Variants in TNS2 observed in about 807,000 individuals in gnomAD.
TNS2 encodes the protein tensin-2.
In TNS2, 77 loss-of-function variants were observed where a neutral mutation model predicts 155.7. The observed-to-expected ratio is 0.49, with a 90% CI of 0.41 to 0.60. TNS2 has a LOEUF of 0.60. TNS2 is among the 20% of genes least tolerant of loss of function. The pLI, the probability that TNS2 is intolerant of heterozygous loss-of-function variation, is 0.00. For missense variants in TNS2, 1,703 were observed against 1,868.8 expected (o/e 0.91, Z 1.64); for synonymous variants, 726 against 763.9 (o/e 0.95, Z 0.82).
Position 53,050,067 on chromosome 12 carries a change from A to C in TNS2, c.-119A>C, listed in dbSNP as rs986866219. 15 of 1,517,664 alleles carry C rather than the reference A, an allele frequency of 9.9e-6. No homozygotes were observed. Among genetic ancestry groups the C allele is most frequent in the Non-Finnish European group, 1.2e-5 (14 of 1,136,302 alleles). The allele number at this position is 1,517,664 out of a possible 1,614,324, so 94.0% of individuals were successfully genotyped here. ...CCGGGCTTCTCCTCACACCAGCCAG[A>C]CAGCCTACCCTCCGCCCAGGGGAAG... On this transcript the variant is annotated 5_prime_UTR_variant, in exon 1 of 29. Transcript: ENST00000314250. This position sits in a 1 kb window ranked among gnomAD's most constrained non-coding sequence, Gnocchi z 4.7.
intron 3 of TNS2, 137 bp from the exon 4 acceptor site, chr12:53,053,274 G>T: frequency 1.0e-6 from 1 of 990,454 alleles, no homozygotes. Flanking sequence ...CCCTTAAATA[G>T]CGCAACCTCA....
chr12:53,049,280 G>T (rs758903859), upstream of TNS2: 1 of 1,580,268 alleles, frequency 6.3e-7, no homozygotes, highest in South Asian at 1.1e-5. Context: ...TGCCGCGGGG[G>T]GAGGGTGCAG....
Position 53,050,387 on chromosome 12 carries a change from A to G in TNS2, c.75+127A>G, listed in dbSNP as rs1292958197. On this transcript the variant is annotated intron_variant, in intron 1 of 28. Transcript: ENST00000314250. This position sits in a 1 kb window ranked among gnomAD's most constrained non-coding sequence, Gnocchi z 4.7. ...CTTCCTCAGCCTTCTTCCCTGGCCC[A>G]GCATCCCCTCCGGAGTGGCCAGGGC... 3 of 1,147,464 alleles carry G rather than the reference A, an allele frequency of 2.6e-6. No individual in the cohort carries two copies. Among genetic ancestry groups the G allele is most frequent in the Non-Finnish European group, 3.6e-6 (3 of 822,326 alleles). 71.1% of individuals were successfully genotyped at this position (1,147,464 alleles called of 1,614,324 possible).
In TNS2 at chr12:53,062,473, T is replaced by G; in HGVS notation, c.3745+20T>G. On this transcript the variant is annotated intron_variant, in intron 24 of 28. Transcript: ENST00000314250. ...GCAAAGGTGAGTGTCTGGTCATCTGTCCTCCCCACCTCTCCCTACCCCCTG... is the reference window on the plus strand; with the variant it reads ...GCAAAGGTGAGTGTCTGGTCATCTGGCCTCCCCACCTCTCCCTACCCCCTG... 1 of 1,612,928 alleles carries G rather than the reference T, an allele frequency of 6.2e-7. No individual in the cohort carries two copies.
intron 4 of TNS2, 136 bp from the exon 5 acceptor site, chr12:53,053,638 G>A: frequency 7.1e-7 from 1 of 1,404,526 alleles, no homozygotes; most frequent in Non-Finnish European, 9.7e-7. Context: ...CCTGCTGGGG[G>A]TAGGACTCCT....
chr12:53,060,668 C>A lies in TNS2; in HGVS notation c.2769-7C>A. On this transcript the variant is annotated splice_region_variant and splice_polypyrimidine_tract_variant and intron_variant, in intron 19 of 28. Coordinates refer to ENST00000314250, the MANE Select transcript of TNS2 (RefSeq NM_170754.4). This position sits in a 1 kb window ranked among gnomAD's most constrained non-coding sequence, Gnocchi z 6.1. ...CTCTGCTGACCATCTGCCCTTCCACCCTACAGCACCCGGCGACAGGACACC... is the reference window on the plus strand; with the variant it reads ...CTCTGCTGACCATCTGCCCTTCCACACTACAGCACCCGGCGACAGGACACC... The A allele has an allele frequency of 6.3e-7, 1 of 1,578,370 alleles. No homozygotes were observed.
chr12:53,060,971 G>C lies in TNS2; in HGVS notation c.3065G>C (p.Gly1022Ala). The C allele has an allele frequency of 6.2e-7, 1 of 1,608,298 alleles. No homozygotes were observed. Among genetic ancestry groups the C allele is most frequent in the Non-Finnish European group, 8.5e-7 (1 of 1,177,524 alleles). ...CACGCCCCCTGGCAAGGCCCTCGAGGCCCCCCCGACAGCCCAGATGGGTCT... is the reference window on the plus strand; with the variant it reads ...CACGCCCCCTGGCAAGGCCCTCGAGCCCCCCCCGACAGCCCAGATGGGTCT... ...LRHAPWQGPRGPPDSPDGSPL... is the reference protein window; with the variant it reads ...LRHAPWQGPRAPPDSPDGSPL... The change falls in exon 20 of 29, where the codon GGC (glycine) becomes GCC (alanine). Residue 1022 changes from glycine to alanine, a missense_variant. Transcript: ENST00000314250. This position sits in a 1 kb window ranked among gnomAD's most constrained non-coding sequence, Gnocchi z 6.1.
In TNS2 at chr12:53,058,837, C is replaced by T. The variant is rs1258204934; in HGVS notation, c.1405+10C>T. 1 of 1,612,268 alleles carries T rather than the reference C, an allele frequency of 6.2e-7. No individual in the cohort carries two copies. The highest frequency in any genetic ancestry group is 2.2e-5 in the East Asian group (1 of 44,852). ...GAGGACAGTGTGGATGGTGCGCAGG[C>T]AGCCTGCAGGGTGGGAGGTACAGGG... On this transcript the variant is annotated intron_variant, in intron 17 of 28. Coordinates refer to ENST00000314250, the MANE Select transcript of TNS2 (RefSeq NM_170754.4).
upstream of TNS2, chr12:53,049,381 T>TG (rs1331410609): frequency 1.6e-5 from 11 of 708,048 alleles, no homozygotes; most frequent in South Asian, 1.1e-4. Flanking sequence ...AATGGGTGAG[T>TG]GGGGGGCACT....
chr12:53,060,617 T>G lies in TNS2; in HGVS notation c.2769-58T>G. On this transcript the variant is annotated intron_variant, in intron 19 of 28. Coordinates refer to ENST00000314250, the MANE Select transcript of TNS2 (RefSeq NM_170754.4). The surrounding 1 kb of genome is among the most constrained non-coding windows in gnomAD (Gnocchi z 6.1). ...TGTCCAAGCAGTTGATGAAGGCAGG[T>G]GGGGTGGGAGCAGCCACAATGGGGG... The G allele has an allele frequency of 6.3e-7, 1 of 1,593,818 alleles. No homozygotes were observed.
intron 5 of TNS2, 23 bp from the exon 6 acceptor site, chr12:53,053,942 A>C: frequency 6.2e-7 from 1 of 1,614,176 alleles, no homozygotes; most frequent in East Asian, 2.2e-5. Context: ...AGAGATGTCT[A>C]GACACTGTCT....
At position 53,059,304 on chromosome 12, in the gene TNS2, C is replaced by T. The variant is rs765692676; in HGVS notation, c.1663C>T (p.Arg555Trp). The T allele has an allele frequency of 4.8e-5, 70 of 1,462,662 alleles. 1 individual carries two copies. In the South Asian group the frequency reaches 8.9e-4, roughly 19 times the overall value. 90.6% of individuals were successfully genotyped at this position (1,462,662 alleles called of 1,614,324 possible). Residue 555 changes from arginine to tryptophan, a missense_variant, in exon 18 of 29, where the codon CGG (arginine) becomes TGG (tryptophan). Coordinates refer to ENST00000314250, the MANE Select transcript of TNS2 (RefSeq NM_170754.4). This position sits in a 1 kb window ranked among gnomAD's most constrained non-coding sequence, Gnocchi z 4.7. ...LGGCGVASGG[R>W]GAGRETAILD... ...AGGCTGCGGAGTGGCCAGTGGGGGC[C>T]GGGGAGCTGGGCGCGAGACGGCCAT...
At chr12:53,052,017 G>A (rs1943953482) in intron 2 of TNS2, 54 bp downstream of exon 2, 3 of 1,428,808 alleles carry the variant, frequency 2.1e-6, no homozygotes, top group African/African-American at 1.4e-5. Context: ...CCACTGTGTT[G>A]CACAACTCCA....
At chr12:53,054,615 C>T (rs1314732116) in intron 7 of TNS2, among the ~76,000 whole-genome samples, 174 bp downstream of exon 7, 2 of 152,216 alleles carry the variant, frequency 1.3e-5, no homozygotes, top group Non-Finnish European at 2.9e-5. Flanking sequence ...AATCCTGGAA[C>T]GCTGGCGACT....
At chr12:53,054,748 C>T (rs1944079601) in intron 7 of TNS2, among the ~76,000 whole-genome samples, 1 of 152,002 alleles carries the variant, frequency 6.6e-6, no homozygotes, top group African/African-American at 2.4e-5. Flanking sequence ...GATCTCACCT[C>T]ACTGCAACCT....
chr12:53,049,054 C>T (rs1290829059), upstream of TNS2: 23 of 927,568 alleles, frequency 2.5e-5, 1 homozygote, highest in South Asian at 4.1e-4. Context: ...AGGAAGATTA[C>T]TCCCCCTTTT....
Position 53,062,047 on chromosome 12 carries a change from G to A in TNS2, c.3575-106G>A, listed in dbSNP as rs181108549. 1.2e-4 allele frequency: 198 copies of A among 1,611,462 alleles called. 1 individual carries two copies. In the East Asian group the frequency reaches 3.6e-3, roughly 30 times the overall value. ...GCTGTGCTGGCCATGCCGCTGTAGA[G>A]GGGAGAGGTAGGAAAAGACCTCAGC... On this transcript the variant is annotated intron_variant, in intron 22 of 28. Transcript: ENST00000314250.
rs957742600 is a variant in TNS2, at chr12:53,051,916, G to A, written c.137G>A (p.Cys46Tyr). 2 of 1,613,680 alleles carry A rather than the reference G, an allele frequency of 1.2e-6. No individual in the cohort carries two copies. Among genetic ancestry groups the A allele is most frequent in the East Asian group, 2.2e-5 (1 of 44,878 alleles). The change falls in exon 2 of 29, where the codon TGT becomes TAT. Residue 46 changes from cysteine to tyrosine, a missense_variant. By Grantham distance (194) the Cys-to-Tyr change is radical. Transcript: ENST00000314250. ...GTTTTCCGGAAGAAACCTCCAGTCT[G>A]TGCAGTATGTAAGGTGACCATCGAT... is the stretch of plus-strand genomic sequence containing the variant. ...EKVFRKKPPV[C>Y]AVCKVTIDGT...
At position 53,055,762 on chromosome 12, in the gene TNS2, C is replaced by T. The variant is rs374979262; in HGVS notation, c.697-19C>T. The T allele has an allele frequency of 5.0e-6, 8 of 1,614,226 alleles. No individual in the cohort carries two copies. Among genetic ancestry groups the T allele is most frequent in the Admixed American group, 1.7e-5 (1 of 60,030 alleles). On this transcript the variant is annotated intron_variant, in intron 9 of 28. Transcript: ENST00000314250. Reference sequence around the variant, plus strand: ...GCCTGGAGCTCCCAGACCCTCATCCCTGTCTCTCTGTCTGTCAGGGAAACA... The same window carrying T: ...GCCTGGAGCTCCCAGACCCTCATCCTTGTCTCTCTGTCTGTCAGGGAAACA...
Sources: allele counts gnomAD v4.1 joint callset (sites outside exome capture counted in the v4.1 genomes callset), GRCh38; gene constraint gnomAD v4.1.1; non-coding constraint Gnocchi (gnomAD v3.1); transcripts MANE v1.5; gene names NCBI Gene and HGNC (gene_info 2026-07-23, HGNC 2026-07-21).